The following FAM76A variants were observed in gnomAD, a reference collection of about 807,000 sequenced individuals.
The protein encoded by FAM76A is family with sequence similarity 76 member A, also known as protein FAM76A.
Under a neutral mutation model 46.2 loss-of-function variants are expected in FAM76A, and 32 were observed. The ratio of observed to expected loss-of-function variants is 0.69; its 90% CI spans 0.52 to 0.93. The LOEUF (loss-of-function observed/expected upper bound fraction) is 0.93, where lower values mean the gene tolerates loss of function less well. FAM76A is among the 40% of genes least tolerant of loss of function. The pLI is 0.00. For missense variants in FAM76A, 274 were observed against 361.5 expected, an observed-to-expected ratio of 0.76 and a Z score of 1.96; for synonymous variants, 137 against 127.0, an observed-to-expected ratio of 1.08 and a Z score of -0.53.
Position 27,739,970 on chromosome 1 carries a change from A to T in FAM76A, c.355-4684A>T, listed in dbSNP as rs151236689. 5.3e-3 allele frequency: 1,548 copies of T among 291,480 alleles called. 11 individuals carry two copies. The highest frequency in any genetic ancestry group is 9.5e-3 in the Admixed American group (222 of 23,288). 18.1% of individuals were successfully genotyped at this position (291,480 alleles called of 1,614,324 possible). On this transcript the variant is annotated intron_variant, in intron 4 of 8. Coordinates refer to ENST00000373954, the MANE Select transcript of FAM76A (RefSeq NM_152660.3). ...GCCAGTGCTATGGCTTTAGGCTGCAAGATTGGCTCGCCCATCCTCAACAGC... is the reference window on the plus strand; with the variant it reads ...GCCAGTGCTATGGCTTTAGGCTGCATGATTGGCTCGCCCATCCTCAACAGC...
intron 6 of FAM76A, among the ~76,000 whole-genome samples, chr1:27,754,320 G>A (rs1324344270): frequency 1.3e-5 from 2 of 151,962 alleles, no homozygotes; most frequent in African/African-American, 4.8e-5. Context: ...TGGTCAGGCT[G>A]GTCTTGAACT....
intron 3 of FAM76A, among the ~76,000 whole-genome samples, chr1:27,732,923 T>TTTTTGG (rs2087984050): frequency 2.0e-5 from 3 of 151,812 alleles, no homozygotes; most frequent in African/African-American, 7.3e-5. Flanking sequence ...AAGATGAAAT[T>TTTTTGG]TTTTGTTTTT....
chr1:27,726,349 C>A (rs1186732682), intron 1 of FAM76A, among the ~76,000 whole-genome samples, 188 bp downstream of exon 1: 1 of 151,928 alleles, frequency 6.6e-6, no homozygotes, highest in East Asian at 1.9e-4. Flanking sequence ...GGTCCAGGCT[C>A]CCGCGGCCGG....
At chr1:27,736,330 G>C (rs926008982) in intron 4 of FAM76A, among the ~76,000 whole-genome samples, 19 of 151,944 alleles carry the variant, frequency 1.3e-4, no homozygotes, top group African/African-American at 4.6e-4. Context: ...TCAAAAAAAA[G>C]GAAAGCGGGG....
intron 4 of FAM76A, chr1:27,739,936 C>T: frequency 4.4e-6 from 1 of 229,124 alleles, no homozygotes; most frequent in Non-Finnish European, 8.7e-6. Flanking sequence ...GGGTAACTTA[C>T]CCTTGGGAGC....
intron 2 of FAM76A, among the ~76,000 whole-genome samples, chr1:27,729,929 T>C (rs898728568): frequency 6.6e-6 from 1 of 152,154 alleles, no homozygotes; most frequent in African/African-American, 2.4e-5. Context: ...CCCCACACCC[T>C]TGCTTCCTCC....
intron 7 of FAM76A, 70 bp from the exon 8 acceptor site, chr1:27,759,456 A>G: frequency 9.9e-7 from 1 of 1,008,926 alleles, no homozygotes; most frequent in Non-Finnish European, 1.5e-6. Flanking sequence ...GTGACCATTT[A>G]GCTCTCTGAA....
At chr1:27,738,702 G>C (rs916675048) in intron 4 of FAM76A, among the ~76,000 whole-genome samples, 1 of 152,174 alleles carries the variant, frequency 6.6e-6, no homozygotes, top group African/African-American at 2.4e-5. Flanking sequence ...ACATTTATGT[G>C]TGTGAAAGAG....
intron 3 of FAM76A, 141 bp downstream of exon 3, chr1:27,732,798 C>T (rs887426353): frequency 3.8e-6 from 2 of 527,650 alleles, no homozygotes; most frequent in African/African-American, 1.9e-5. Context: ...TTTCAGCTTT[C>T]ACATTTAGCT....
At chr1:27,739,562 G>A (rs888165005) in intron 4 of FAM76A, 21 of 317,860 alleles carry the variant, frequency 6.6e-5, no homozygotes, top group African/African-American at 3.6e-4. Flanking sequence ...CGAGGCAGGT[G>A]GATCACTTGA....
At chr1:27,756,593 A>G (rs181937727) in intron 7 of FAM76A, among the ~76,000 whole-genome samples, 1 of 150,834 alleles carries the variant, frequency 6.6e-6, no homozygotes, top group Admixed American at 6.6e-5. Context: ...GCCCGGCCTC[A>G]GTGTTAATAT....
intron 4 of FAM76A, among the ~76,000 whole-genome samples, chr1:27,734,993 T>G (rs2088020850): frequency 6.6e-6 from 1 of 152,254 alleles, no homozygotes. Context: ...CCAGTTGTGC[T>G]TAGAATAAAA....
At position 27,751,994 on chromosome 1, in the gene FAM76A, G is replaced by A. The variant is rs138135580; in HGVS notation, c.599+2840G>A. ...AATTTTTTTGTGTAGATGGGGTCTC[G>A]AACTCCTGGCCTCAAGTGATCCTCC... On this transcript the variant is annotated intron_variant, in intron 6 of 8. Transcript: ENST00000373954. Among the ~76,000 whole-genome samples, 685 of 151,812 alleles carry A rather than the reference G, an allele frequency of 4.5e-3. 10 individuals carry two copies. Among genetic ancestry groups the A allele is most frequent in the African/African-American group, 0.016 (653 of 41,400 alleles).
chr1:27,753,388 G>GA (rs1321705281), intron 6 of FAM76A, among the ~76,000 whole-genome samples: 1 of 152,194 alleles, frequency 6.6e-6, no homozygotes, highest in Non-Finnish European at 1.5e-5. Context: ...CTATTCAGTT[G>GA]AAGAAAGACA....
chr1:27,758,779 A>G (rs905922684), intron 7 of FAM76A, among the ~76,000 whole-genome samples: 8 of 151,086 alleles, frequency 5.3e-5, no homozygotes, highest in East Asian at 1.9e-4. Flanking sequence ...TGGCCTCCCA[A>G]AGTGCTGGGA....
At chr1:27,728,098 G>T (rs1205641665) in intron 2 of FAM76A, among the ~76,000 whole-genome samples, 1 of 152,012 alleles carries the variant, frequency 6.6e-6, no homozygotes, top group East Asian at 1.9e-4. Flanking sequence ...GAGCCACCAC[G>T]CCCAGCCTGC....
intron 6 of FAM76A, among the ~76,000 whole-genome samples, chr1:27,753,600 T>G (rs1334054583): frequency 2.0e-5 from 3 of 152,248 alleles, no homozygotes; most frequent in African/African-American, 4.8e-5. Flanking sequence ...CCTCTGACAG[T>G]CTTCTCATAT....
chr1:27,728,307 C>T (rs1317571770), intron 2 of FAM76A, among the ~76,000 whole-genome samples: 1 of 152,142 alleles, frequency 6.6e-6, no homozygotes, highest in African/African-American at 2.4e-5. Flanking sequence ...AGTTTGCTAG[C>T]TCTAGTCACA....
intron 4 of FAM76A, among the ~76,000 whole-genome samples, chr1:27,741,632 G>T (rs1424881686): frequency 6.6e-6 from 1 of 152,110 alleles, no homozygotes; most frequent in Non-Finnish European, 1.5e-5. Context: ...TGTAATCCCA[G>T]CACTTTGAAA....
Sources: gnomAD v4.1 joint callset for allele counts (sites outside exome capture counted in the v4.1 genomes callset) on GRCh38, gnomAD v4.1.1 for gene constraint, MANE v1.5 for transcripts, NCBI Gene and HGNC (gene_info 2026-07-23, HGNC 2026-07-21) for gene names.